Variants in DPP6 observed in about 807,000 individuals in gnomAD.
The protein encoded by DPP6 is A-type potassium channel modulatory protein DPP6.
Under a neutral mutation model 122.6 loss-of-function variants are expected in DPP6, and 69 were observed. The ratio of observed to expected loss-of-function variants is 0.56; its 90% CI spans 0.46 to 0.69. The LOEUF (loss-of-function observed/expected upper bound fraction) is 0.69. DPP6 is among the 30% of genes least tolerant of loss of function. The probability of loss-of-function intolerance (pLI) is 0.00; values close to 1 mark genes in which losing one functional copy is unlikely to be tolerated. For synonymous variants in DPP6, 418 were observed against 433.1 expected (o/e 0.97, Z 0.43); for missense variants, 928 against 1,116.9 (o/e 0.83, Z 2.41).
chr7:154,856,054 G>A (rs2150584575), intron 17 of DPP6, among the ~76,000 whole-genome samples: 1 of 152,206 alleles, frequency 6.6e-6, no homozygotes, highest in South Asian at 2.1e-4. Context: ...TGGAGACACA[G>A]GACTCTATGC....
chr7:154,398,520 A>T (rs1282032437), intron 1 of DPP6, among the ~76,000 whole-genome samples: 1 of 152,230 alleles, frequency 6.6e-6, no homozygotes, highest in Non-Finnish European at 1.5e-5. Context: ...TCATAAGAAG[A>T]AAACGTTATC....
intron 6 of DPP6, among the ~76,000 whole-genome samples, chr7:154,651,144 A>ATACTAGCACTGCACTAGG (rs1417896021): frequency 3.9e-5 from 6 of 152,100 alleles, no homozygotes; most frequent in South Asian, 2.1e-4. Flanking sequence ...ACTGCACTAG[A>ATACTAGCACTGCACTAGG]TACTAGCACT....
intron 1 of DPP6, chr7:154,305,468 C>T (rs1380737097): frequency 1.9e-6 from 3 of 1,577,960 alleles, no homozygotes; most frequent in South Asian, 1.2e-5. Flanking sequence ...CCACCTGCCC[C>T]GGTGGTGGGA....
chr7:154,204,758 A>G (rs1285029142), intron 1 of DPP6, among the ~76,000 whole-genome samples: 1 of 150,362 alleles, frequency 6.7e-6, no homozygotes, highest in Non-Finnish European at 1.5e-5. Context: ...ATAACCTAGG[A>G]CTGCTCTTAA....
intron 1 of DPP6, among the ~76,000 whole-genome samples, chr7:153,935,749 C>T (rs1801406330): frequency 6.6e-6 from 1 of 152,228 alleles, no homozygotes; most frequent in African/African-American, 2.4e-5. Flanking sequence ...GCAGACTTCC[C>T]CACCACCACG....
intron 1 of DPP6, among the ~76,000 whole-genome samples, chr7:154,234,252 T>TG (rs2150857737): frequency 6.6e-6 from 1 of 152,328 alleles, no homozygotes; most frequent in South Asian, 2.1e-4. Context: ...CTTTGCCCAC[T>TG]GGTTGTATAA....
chr7:153,976,789 T>G (rs535306704), intron 1 of DPP6, among the ~76,000 whole-genome samples: 7 of 152,244 alleles, frequency 4.6e-5, no homozygotes, highest in Admixed American at 2.0e-4. Flanking sequence ...GGGACTTGAT[T>G]GCTGGACTTT....
chr7:154,059,608 A>T (rs1258353788), intron 1 of DPP6: 2 of 148,992 alleles, frequency 1.3e-5, no homozygotes, highest in East Asian at 3.9e-4. Flanking sequence ...CCTTTGTATG[A>T]GGTCACAAAG....
intron 5 of DPP6, among the ~76,000 whole-genome samples, chr7:154,578,074 A>G (rs1050762620): frequency 6.6e-6 from 1 of 152,238 alleles, no homozygotes; most frequent in Non-Finnish European, 1.5e-5. Flanking sequence ...CCATAGCATT[A>G]CCAGTAATAT....
chr7:153,841,135 C>G, the DPP6 span, among the ~76,000 whole-genome samples: 1 of 152,326 alleles, frequency 6.6e-6, no homozygotes, highest in Non-Finnish European at 1.5e-5. Flanking sequence ...CAATACCACT[C>G]GTTTCACCTT....
At chr7:154,783,962 G>A (rs1797182408) in intron 10 of DPP6, among the ~76,000 whole-genome samples, 1 of 152,094 alleles carries the variant, frequency 6.6e-6, no homozygotes. Context: ...GAGCTTTCTT[G>A]GAGACAGCTC....
At chr7:154,321,374 AGGG>A (rs1807940186) in intron 1 of DPP6, among the ~76,000 whole-genome samples, 3 of 152,082 alleles carry the variant, frequency 2.0e-5, no homozygotes, top group Non-Finnish European at 4.4e-5. Context: ...TCTGGGGTGC[AGGG>A]GTGCCACAGC....
chr7:154,549,388 C>T (rs1328957446), intron 4 of DPP6, among the ~76,000 whole-genome samples: 1 of 152,154 alleles, frequency 6.6e-6, no homozygotes, highest in Non-Finnish European at 1.5e-5. Flanking sequence ...ACGTGCAAGA[C>T]AATCAGTAAA....
intron 1 of DPP6, among the ~76,000 whole-genome samples, chr7:154,115,224 C>T (rs1400055662): frequency 6.6e-6 from 1 of 152,170 alleles, no homozygotes; most frequent in African/African-American, 2.4e-5. Flanking sequence ...ATGGGAGGTG[C>T]TGTCCCCCCT....
At chr7:153,873,863 C>T in the DPP6 span, among the ~76,000 whole-genome samples, 1 of 152,178 alleles carries the variant, frequency 6.6e-6, no homozygotes, top group Non-Finnish European at 1.5e-5. Flanking sequence ...GTGGCATTCA[C>T]TCATTTGCAC....
intron 1 of DPP6, among the ~76,000 whole-genome samples, chr7:154,255,413 G>A (rs1253690974): frequency 6.6e-6 from 1 of 152,238 alleles, no homozygotes; most frequent in Non-Finnish European, 1.5e-5. Context: ...AGTGTGGAGA[G>A]GAAGCGCCAG....
intron 6 of DPP6, among the ~76,000 whole-genome samples, chr7:154,652,639 G>T (rs906671658): frequency 4.6e-5 from 7 of 152,084 alleles, no homozygotes; most frequent in African/African-American, 1.7e-4. Context: ...TGCTACATGT[G>T]CACCATGTCC....
intron 1 of DPP6, among the ~76,000 whole-genome samples, chr7:154,065,657 C>T (rs1303709604): frequency 6.6e-6 from 1 of 151,924 alleles, no homozygotes; most frequent in Admixed American, 6.6e-5. Flanking sequence ...TGGCAAAAGG[C>T]ACAAATTAGG....
chr7:154,730,270 A>G (rs1842274192), intron 8 of DPP6, among the ~76,000 whole-genome samples: 1 of 152,148 alleles, frequency 6.6e-6, no homozygotes, highest in African/African-American at 2.4e-5. Context: ...GGGGCTGGAG[A>G]TCAGAACATG....
Sources: gnomAD v4.1 joint callset for allele counts (sites outside exome capture counted in the v4.1 genomes callset) on GRCh38, gnomAD v4.1.1 for gene constraint, MANE v1.5 for transcripts, NCBI Gene and HGNC (gene_info 2026-07-23, HGNC 2026-07-21) for gene names.